TRIM26: variants seen among roughly 807,000 people sequenced by gnomAD.
The protein encoded by TRIM26 is tripartite motif containing 26.
Under a neutral mutation model 45.5 loss-of-function variants are expected in TRIM26, and 16 were observed. That is an observed-to-expected ratio of 0.35 (90% CI 0.24 to 0.53). The LOEUF is 0.53. Ranked by LOEUF, TRIM26 falls within the 20% of genes least tolerant of loss-of-function variation. The probability of loss-of-function intolerance (pLI) is 0.92; values close to 1 mark genes in which losing one functional copy is unlikely to be tolerated. For synonymous variants in TRIM26, 273 were observed against 290.4 expected (o/e 0.94, Z 0.61); for missense variants, 442 against 691.1 (o/e 0.64, Z 4.04).
Position 30,207,731 on chromosome 6 carries a change from T to C in TRIM26, c.-375-2966A>G, listed in dbSNP as rs2127533206. ...TTTCCTGCCACTCCCCACCTCAAAC[T>C]CACAGCCAAACCAAACCGCTCTCCA... is the stretch of plus-strand genomic sequence containing the variant. On this transcript the variant is annotated intron_variant, in intron 1 of 9. Coordinates refer to ENST00000454678, the MANE Select transcript of TRIM26 (RefSeq NM_003449.5). This position sits in a 1 kb window ranked among gnomAD's most constrained non-coding sequence, Gnocchi z 4.9. Among the ~76,000 whole-genome samples, 1 of 152,232 alleles carries C rather than the reference T, an allele frequency of 6.6e-6. No homozygotes were observed. Among genetic ancestry groups the C allele is most frequent in the East Asian group, 1.9e-4 (1 of 5,186 alleles).
At position 30,198,956 on chromosome 6, in the gene TRIM26, G is replaced by C. The variant is rs955736811; in HGVS notation, c.148C>G (p.Arg50Gly). Residue 50 changes from arginine (R) to glycine (G), a missense_variant, in exon 4 of 10, where the codon CGC (arginine) becomes GGC (glycine). Coordinates refer to ENST00000454678, the MANE Select transcript of TRIM26 (RefSeq NM_003449.5). This position sits in a 1 kb window ranked among gnomAD's most constrained non-coding sequence, Gnocchi z 6.3. ...TTCTTGCAGAGTGGGCAGACGGGGCGGCTCCCTGAGATGGGGCGGACGTCT... is the reference window on the plus strand; with the variant it reads ...TTCTTGCAGAGTGGGCAGACGGGGCCGCTCCCTGAGATGGGGCGGACGTCT... ...TTDVRPISGSRPVCPLCKKPF... is the reference protein window; with the variant it reads ...TTDVRPISGSGPVCPLCKKPF... 5 of 1,612,804 alleles carry C rather than the reference G, an allele frequency of 3.1e-6. No individual in the cohort carries two copies. The South Asian group carries it at 5.5e-5, about 18-fold the overall frequency.
chr6:30,211,577 GTCT>G (rs1325603353), intron 1 of TRIM26, among the ~76,000 whole-genome samples: 1 of 152,144 alleles, frequency 6.6e-6, no homozygotes, highest in East Asian at 1.9e-4. Flanking sequence ...TAGGCCTTCA[GTCT>G]CCTTACCTCT....
chr6:30,188,665 A>T lies in TRIM26; in HGVS notation c.937+502T>A, dbSNP rs78753960. The T allele has an allele frequency of 3.8e-3, 817 of 212,486 alleles. 7 individuals carry two copies. The highest frequency in any genetic ancestry group is 0.017 in the African/African-American group (747 of 43,382). The allele number at this position is 212,486 out of a possible 1,614,324, so 13.2% of individuals were successfully genotyped here. The stretch of plus-strand genomic sequence containing the variant: ...AAAGCAAGTGTGAAAGTGAGCCAGG[A>T]GGAGACCACCAGTCTTCACAATCCA... On this transcript the variant is annotated intron_variant, in intron 9 of 9. Coordinates refer to ENST00000454678, the MANE Select transcript of TRIM26 (RefSeq NM_003449.5).
Position 30,186,270 on chromosome 6 carries a change from T to G in TRIM26, c.1226A>C (p.Asp409Ala). 1 of 1,607,724 alleles carries G rather than the reference T, an allele frequency of 6.2e-7. No homozygotes were observed. Among genetic ancestry groups the G allele is most frequent in the Non-Finnish European group, 8.5e-7 (1 of 1,176,636 alleles). ...EEAGYGDGYD[D>A]WETDEDEESL... is the part of the protein sequence containing the mutation. Reference sequence around the variant, plus strand: ...TTCCTCATCTTCGTCCGTTTCCCAGTCGTCATATCCATCCCCATAGCCGGC... The same window carrying G: ...TTCCTCATCTTCGTCCGTTTCCCAGGCGTCATATCCATCCCCATAGCCGGC... The change falls in exon 10 of 10, where the codon GAC (aspartate) becomes GCC (alanine). Residue 409 changes from aspartate (D) to alanine (A), a missense_variant. Physicochemically the swap from Asp to Ala is moderately radical, Grantham distance 126. Transcript: ENST00000454678. This position sits in a 1 kb window ranked among gnomAD's most constrained non-coding sequence, Gnocchi z 7.4.
In TRIM26 at chr6:30,201,584, A is replaced by G. The variant is rs146789636; in HGVS notation, c.-265-446T>C. Among the ~76,000 whole-genome samples the G allele has an allele frequency of 4.4e-3, 674 of 152,236 alleles. 2 individuals are homozygous for G. Among genetic ancestry groups the G allele is most frequent in the African/African-American group, 0.011 (474 of 41,546 alleles). On this transcript the variant is annotated intron_variant, in intron 2 of 9. Coordinates refer to ENST00000454678, the MANE Select transcript of TRIM26 (RefSeq NM_003449.5). ...GAATTGGCCGGGCACGGTGGCTCACACCTGTAATCCCAACACTTTGGGAGG... is the reference window on the plus strand; with the variant it reads ...GAATTGGCCGGGCACGGTGGCTCACGCCTGTAATCCCAACACTTTGGGAGG...
At chr6:30,208,534 C>CTTTTTTTTTTTTTTTTTG (rs1777951073) in intron 1 of TRIM26, among the ~76,000 whole-genome samples, 2 of 119,500 alleles carry the variant, frequency 1.7e-5, no homozygotes. Flanking sequence ...TTTTTTTTTT[C>CTTTTTTTTTTTTTTTTTG]CATGTATTTG....
chr6:30,210,192 G>A lies in TRIM26; in HGVS notation c.-376+3113C>T, dbSNP rs147032013. ...TGCACTCCAGCCTGGGTGACAGAGC[G>A]AGACTCTGACTCAAAACAAAAAAAA... On this transcript the variant is annotated intron_variant, in intron 1 of 9. Transcript: ENST00000454678. Among the ~76,000 whole-genome samples, 1,176 of 145,310 alleles carry A rather than the reference G, an allele frequency of 8.1e-3. 9 individuals are homozygous for A. Among genetic ancestry groups the A allele is most frequent in the Middle Eastern group, 0.027 (8 of 292 alleles).
At position 30,207,259 on chromosome 6, in the gene TRIM26, G is replaced by T. The variant is rs926849465; in HGVS notation, c.-375-2494C>A. On this transcript the variant is annotated intron_variant, in intron 1 of 9. Transcript: ENST00000454678. The surrounding 1 kb of genome is among the most constrained non-coding windows in gnomAD (Gnocchi z 4.9). ...TTGAGGGTTTAAGCAGCAGGATGTT[G>T]AAAGTTATTCAACAGCTAGCAGATG... Among the ~76,000 whole-genome samples, 8 of 152,186 alleles carry T rather than the reference G, an allele frequency of 5.3e-5. No individual in the cohort carries two copies. Among genetic ancestry groups the T allele is most frequent in the African/African-American group, 1.9e-4 (8 of 41,440 alleles).
rs778684697 is a variant in TRIM26 at position 30,190,049 on chromosome 6, A to G, written c.766-14T>C. The G allele has an allele frequency of 2.7e-5, 43 of 1,612,762 alleles. No homozygotes were observed. The South Asian group carries it at 3.6e-4, about 14-fold the overall frequency. On this transcript the variant is annotated splice_polypyrimidine_tract_variant and intron_variant, in intron 6 of 9. Coordinates refer to ENST00000454678, the MANE Select transcript of TRIM26 (RefSeq NM_003449.5). This position sits in a 1 kb window ranked among gnomAD's most constrained non-coding sequence, Gnocchi z 4.3. Reference sequence around the variant, plus strand: ...GTCTCTCGTGTCCTAGAAGGGAAAGAAAAAAGCACAAGTATCAATATGAAT... The same window carrying G: ...GTCTCTCGTGTCCTAGAAGGGAAAGGAAAAAGCACAAGTATCAATATGAAT...
In TRIM26 at chr6:30,186,181, C is replaced by T; in HGVS notation, c.1315G>A (p.Val439Met). 2 of 1,597,956 alleles carry T rather than the reference C, an allele frequency of 1.3e-6. No individual in the cohort carries two copies. Among genetic ancestry groups the T allele is most frequent in the Non-Finnish European group, 1.7e-6 (2 of 1,171,852 alleles). Residue 439 changes from valine (V) to methionine (M), a missense_variant, in exon 10 of 10, where the codon GTG becomes ATG. Transcript: ENST00000454678. This position sits in a 1 kb window ranked among gnomAD's most constrained non-coding sequence, Gnocchi z 7.4. ...TTCACAGAGTCTCTAGCCACCCCCA[C>T]CATGCAGCTTTCCAGAACTTCCTCC... ...EEEEVLESCMVGVARDSVKRK... is the reference protein window; with the variant it reads ...EEEEVLESCMMGVARDSVKRK...
Position 30,194,553 on chromosome 6 carries a change from T to A in TRIM26, c.765+1963A>T, listed in dbSNP as rs138245328. 4.4e-3 allele frequency among the ~76,000 whole-genome samples: 676 copies of A among 152,350 alleles called. 2 individuals carry two copies. The highest frequency in any genetic ancestry group is 0.011 in the African/African-American group (476 of 41,576). On this transcript the variant is annotated intron_variant, in intron 6 of 9. Coordinates refer to ENST00000454678, the MANE Select transcript of TRIM26 (RefSeq NM_003449.5). ...GAGTTGATTATTATATATTATATACTTGTATCAAAGTATCACTCTAGGCCA... is the reference window on the plus strand; with the variant it reads ...GAGTTGATTATTATATATTATATACATGTATCAAAGTATCACTCTAGGCCA...
chr6:30,193,136 ATGTGTGTGTGTGTG>A (rs9278607), intron 6 of TRIM26, among the ~76,000 whole-genome samples: 1 of 51,710 alleles, frequency 1.9e-5, no homozygotes, highest in Non-Finnish European at 3.1e-5. Flanking sequence ...ATATACATAT[ATGTGTGTGTGTGTG>A]TGTGTGTGTG....
rs552784041 is a variant in TRIM26, at chr6:30,185,503, G to A, written c.*373C>T. 34 of 277,306 alleles carry A rather than the reference G, an allele frequency of 1.2e-4. No individual in the cohort carries two copies. Among genetic ancestry groups the A allele is most frequent in the East Asian group, 3.2e-4 (5 of 15,644 alleles). The allele number at this position is 277,306 out of a possible 1,614,324, so 17.2% of individuals were successfully genotyped here. A position where few individuals can be genotyped will look rare whatever the true frequency, so the allele number is the denominator to read the frequency against. ...TAAGGACAGCAAAATGATCTTAGGCGTAATTGACTGGTTTTTCTGAGGTCT... is the reference window on the plus strand; with the variant it reads ...TAAGGACAGCAAAATGATCTTAGGCATAATTGACTGGTTTTTCTGAGGTCT... On this transcript the variant is annotated 3_prime_UTR_variant, in exon 10 of 10. Transcript: ENST00000454678. The surrounding 1 kb of genome is among the most constrained non-coding windows in gnomAD (Gnocchi z 5.7).
At chr6:30,206,561 C>G (rs140103844) in intron 1 of TRIM26, among the ~76,000 whole-genome samples, 1 of 152,374 alleles carries the variant, frequency 6.6e-6, no homozygotes, top group East Asian at 1.9e-4. Context: ...GAATATCTGT[C>G]TAATGTTGAA....
At position 30,196,830 on chromosome 6, in the gene TRIM26, G is replaced by C; in HGVS notation, c.535-84C>G. ...TGCTGGAGGTGTGCAAGGCTGGCTC[G>C]TTCACCTCGCTACCCCCGTTCAGGA... On this transcript the variant is annotated intron_variant, in intron 5 of 9. Transcript: ENST00000454678. The surrounding 1 kb of genome is among the most constrained non-coding windows in gnomAD (Gnocchi z 4.9). 1 of 1,365,416 alleles carries C rather than the reference G, an allele frequency of 7.3e-7. No homozygotes were observed. Among genetic ancestry groups the C allele is most frequent in the Non-Finnish European group, 1.0e-6 (1 of 976,830 alleles). 84.6% of individuals were successfully genotyped at this position (1,365,416 alleles called of 1,614,324 possible). A position where few individuals can be genotyped will look rare whatever the true frequency, so the allele number is the denominator to read the frequency against.
chr6:30,186,967 A>G lies in TRIM26; in HGVS notation c.938-409T>C, dbSNP rs1236124701. 4.4e-6 allele frequency: 2 copies of G among 456,004 alleles called. No homozygotes were observed. The highest frequency in any genetic ancestry group is 8.0e-6 in the Non-Finnish European group (2 of 248,812). The allele number at this position is 456,004 out of a possible 1,614,324, so 28.2% of individuals were successfully genotyped here. On this transcript the variant is annotated intron_variant, in intron 9 of 9. Coordinates refer to ENST00000454678, the MANE Select transcript of TRIM26 (RefSeq NM_003449.5). The surrounding 1 kb of genome is among the most constrained non-coding windows in gnomAD (Gnocchi z 7.4). ...AGAAAAAAAGTCCTCTTTTTCAAGT[A>G]ACTCTTGATATGCTTCTTGGTAATC... is the stretch of plus-strand genomic sequence containing the variant.
Position 30,196,911 on chromosome 6 carries a change from C to A in TRIM26, c.535-165G>T, listed in dbSNP as rs1268213335. On this transcript the variant is annotated intron_variant, in intron 5 of 9. Transcript: ENST00000454678. This position sits in a 1 kb window ranked among gnomAD's most constrained non-coding sequence, Gnocchi z 4.9. ...CAGAGGGTTCCTGGTCCACACTCCGCTTCTCAAAGAAGACTCCAGTAATGA... is the reference window on the plus strand; with the variant it reads ...CAGAGGGTTCCTGGTCCACACTCCGATTCTCAAAGAAGACTCCAGTAATGA... 6.6e-6 allele frequency among the ~76,000 whole-genome samples: 1 copy of A among 152,158 alleles called. No individual in the cohort carries two copies. Among genetic ancestry groups the A allele is most frequent in the Non-Finnish European group, 1.5e-5 (1 of 68,036 alleles).
chr6:30,196,760 G>T lies in TRIM26; in HGVS notation c.535-14C>A, dbSNP rs1776515898. 6.2e-7 allele frequency: 1 copy of T among 1,613,368 alleles called. No homozygotes were observed. Among genetic ancestry groups the T allele is most frequent in the Admixed American group, 1.7e-5 (1 of 60,000 alleles). The stretch of plus-strand genomic sequence containing the variant: ...CTGGAGCTTCTTCTGCAGGGGGCAG[G>T]AAGGGGAGAAGGGCTGACACCTCTG... On this transcript the variant is annotated splice_polypyrimidine_tract_variant and intron_variant, in intron 5 of 9. Transcript: ENST00000454678. This position sits in a 1 kb window ranked among gnomAD's most constrained non-coding sequence, Gnocchi z 4.9.
Position 30,198,622 on chromosome 6 carries a change from C to T in TRIM26, c.438+44G>A. On this transcript the variant is annotated intron_variant, in intron 4 of 9. Coordinates refer to ENST00000454678, the MANE Select transcript of TRIM26 (RefSeq NM_003449.5). This position sits in a 1 kb window ranked among gnomAD's most constrained non-coding sequence, Gnocchi z 6.3. ...CTCTGAGGACTGCAAGGTGGAGCAT[C>T]CAGAGAAGGTGGCAAGGCACCCTCG... The T allele has an allele frequency of 6.2e-7, 1 of 1,606,618 alleles. No individual in the cohort carries two copies. Among genetic ancestry groups the T allele is most frequent in the Non-Finnish European group, 8.5e-7 (1 of 1,176,804 alleles).
Sources: allele counts gnomAD v4.1 joint callset (sites outside exome capture counted in the v4.1 genomes callset), GRCh38; gene constraint gnomAD v4.1.1; non-coding constraint Gnocchi (gnomAD v3.1); transcripts MANE v1.5; gene names NCBI Gene and HGNC (gene_info 2026-07-23, HGNC 2026-07-21).